The following NKAIN3 variants were observed in gnomAD, a reference collection of about 807,000 sequenced individuals.
The protein encoded by NKAIN3 is sodium/potassium-transporting ATPase subunit beta-1-interacting protein 3.
Under a neutral mutation model 30.2 loss-of-function variants are expected in NKAIN3, and 25 were observed. The observed-to-expected ratio is 0.83, with a 90% confidence interval of 0.60 to 1.16. The LOEUF (loss-of-function observed/expected upper bound fraction) is 1.16, where lower values mean the gene tolerates loss of function less well. Ranked by LOEUF, NKAIN3 falls within the 50% of genes most tolerant of loss-of-function variation. The pLI is 0.00. For synonymous variants in NKAIN3, 91 were observed against 89.6 expected (o/e 1.02, Z -0.09); for missense variants, 225 against 254.1 (o/e 0.89, Z 0.78).
intron 1 of NKAIN3, among the ~76,000 whole-genome samples, chr8:62,409,753 ATACT>A (rs1251286736): frequency 1.3e-5 from 2 of 152,004 alleles, no homozygotes; most frequent in Admixed American, 6.6e-5. Flanking sequence ...GTTTTTTAAA[ATACT>A]TACTTTTCTT....
intron 4 of NKAIN3, among the ~76,000 whole-genome samples, chr8:62,824,707 A>ACTATT (rs1818965664): frequency 1.3e-5 from 2 of 151,754 alleles, no homozygotes; most frequent in South Asian, 4.1e-4. Flanking sequence ...TCTCCACTAT[A>ACTATT]TTTCACCTAT....
chr8:62,781,117 G>C (rs149537291), intron 4 of NKAIN3, among the ~76,000 whole-genome samples: 1 of 151,772 alleles, frequency 6.6e-6, no homozygotes, highest in East Asian at 1.9e-4. Context: ...AAAATCAGTA[G>C]CATTTATATA....
intron 3 of NKAIN3, among the ~76,000 whole-genome samples, chr8:62,715,642 G>A (rs1185469975): frequency 6.6e-6 from 1 of 152,212 alleles, no homozygotes; most frequent in African/African-American, 2.4e-5. Flanking sequence ...CTGTCACACT[G>A]TAAGTGCTAC....
intron 3 of NKAIN3, among the ~76,000 whole-genome samples, chr8:62,680,170 A>T (rs2130414814): frequency 6.6e-6 from 1 of 152,320 alleles, no homozygotes; most frequent in Admixed American, 6.5e-5. Context: ...GCTAACAGTC[A>T]GCAAGGAAAC....
intron 5 of NKAIN3, among the ~76,000 whole-genome samples, chr8:62,931,823 AT>A (rs1225896704): frequency 6.6e-6 from 1 of 152,198 alleles, no homozygotes; most frequent in Non-Finnish European, 1.5e-5. Context: ...CCTTTAAAAC[AT>A]TTTAACATCT....
chr8:62,273,309 A>T (rs1302695890), intron 1 of NKAIN3, among the ~76,000 whole-genome samples: 2 of 152,194 alleles, frequency 1.3e-5, no homozygotes, highest in African/African-American at 4.8e-5. Context: ...AATTAAAAAA[A>T]TTATGCTGCT....
intron 4 of NKAIN3, among the ~76,000 whole-genome samples, chr8:62,836,071 C>A (rs909065303): frequency 1.3e-5 from 2 of 151,794 alleles, no homozygotes; most frequent in African/African-American, 4.8e-5. Flanking sequence ...TTATCCTAAG[C>A]GAATTAAGAC....
chr8:62,432,167 A>G (rs1216019071), intron 1 of NKAIN3, among the ~76,000 whole-genome samples: 2 of 152,030 alleles, frequency 1.3e-5, no homozygotes, highest in African/African-American at 2.4e-5. Context: ...AAGGTCTCTG[A>G]TGTTATGAAA....
intron 1 of NKAIN3, among the ~76,000 whole-genome samples, chr8:62,457,189 G>A (rs1805849756): frequency 6.6e-6 from 1 of 152,180 alleles, no homozygotes; most frequent in Non-Finnish European, 1.5e-5. Flanking sequence ...ACTGCCTTAG[G>A]TGGGGGATAT....
intron 3 of NKAIN3, among the ~76,000 whole-genome samples, chr8:62,637,101 A>T (rs1229004749): frequency 6.6e-6 from 1 of 152,182 alleles, no homozygotes; most frequent in Non-Finnish European, 1.5e-5. Context: ...TGACAAAACA[A>T]TTTTTAAATA....
Position 62,966,846 on chromosome 8 carries a change from A to G in NKAIN3, c.*1439A>G, listed in dbSNP as rs1823725667. 2.0e-5 allele frequency among the ~76,000 whole-genome samples: 3 copies of G among 152,138 alleles called. No homozygotes were observed. Among genetic ancestry groups the G allele is most frequent in the Admixed American group, 2.0e-4 (3 of 15,272 alleles). ...AAGAAGTCCGTCTATTAACCACCTA[A>G]AACTGTTACAAATATTTGTATGTGT... On this transcript the variant is annotated 3_prime_UTR_variant, in exon 7 of 7. Transcript: ENST00000623646.
chr8:62,452,651 G>A (rs1044746019), intron 1 of NKAIN3, among the ~76,000 whole-genome samples: 1 of 152,048 alleles, frequency 6.6e-6, no homozygotes, highest in Non-Finnish European at 1.5e-5. Flanking sequence ...AATATATTTT[G>A]AGGAAAAACA....
At chr8:62,945,228 G>A (rs1033620347) in intron 5 of NKAIN3, among the ~76,000 whole-genome samples, 1 of 152,108 alleles carries the variant, frequency 6.6e-6, no homozygotes, top group African/African-American at 2.4e-5. Flanking sequence ...AAGTAAAGCA[G>A]GGAAGGAGAT....
intron 3 of NKAIN3, among the ~76,000 whole-genome samples, chr8:62,679,060 A>G (rs1813570370): frequency 6.6e-6 from 1 of 152,242 alleles, no homozygotes; most frequent in African/African-American, 2.4e-5. Flanking sequence ...GAGATCCCAG[A>G]TTGGGACTGA....
At chr8:62,600,819 G>A (rs1810964829) in intron 3 of NKAIN3, among the ~76,000 whole-genome samples, 1 of 151,938 alleles carries the variant, frequency 6.6e-6, no homozygotes, top group Non-Finnish European at 1.5e-5. Context: ...ATCTTTAGTT[G>A]AATAGTTCAC....
chr8:62,838,319 CAT>C (rs1313157534), intron 4 of NKAIN3, among the ~76,000 whole-genome samples: 1 of 151,168 alleles, frequency 6.6e-6, no homozygotes, highest in East Asian at 2.0e-4. Context: ...TATATATATA[CAT>C]ATATATATAC....
rs1285388231 is a variant in NKAIN3 at position 62,971,108 on chromosome 8, A to G, written c.*5701A>G. On this transcript the variant is annotated 3_prime_UTR_variant, in exon 7 of 7. Coordinates refer to ENST00000623646, the MANE Select transcript of NKAIN3 (RefSeq NM_001304533.3). The stretch of plus-strand genomic sequence containing the variant: ...ATCCTCTGTGGCCGCCATTTTTAAG[A>G]CCATAACATGACTCAAAATGGCTGC... Among the ~76,000 whole-genome samples, 1 of 152,082 alleles carries G rather than the reference A, an allele frequency of 6.6e-6. No individual in the cohort carries two copies. Among genetic ancestry groups the G allele is most frequent in the African/African-American group, 2.4e-5 (1 of 41,388 alleles).
intron 1 of NKAIN3, among the ~76,000 whole-genome samples, chr8:62,280,791 G>A (rs1813151363): frequency 6.6e-6 from 1 of 152,082 alleles, no homozygotes; most frequent in Non-Finnish European, 1.5e-5. Flanking sequence ...ATTTTGTTGA[G>A]GATTTTTGCA....
intron 1 of NKAIN3, among the ~76,000 whole-genome samples, chr8:62,299,855 AAC>A (rs1033913409): frequency 6.9e-4 from 105 of 152,282 alleles, no homozygotes; most frequent in African/African-American, 2.4e-3. Flanking sequence ...AGAGAAAAAG[AAC>A]ACAGTATTTT....
Sources: gnomAD v4.1 joint callset for allele counts (sites outside exome capture counted in the v4.1 genomes callset) on GRCh38, gnomAD v4.1.1 for gene constraint, MANE v1.5 for transcripts, NCBI Gene and HGNC (gene_info 2026-07-23, HGNC 2026-07-21) for gene names.